MAP4K3: variants seen among roughly 807,000 people sequenced by gnomAD.
MAP4K3 encodes the protein mitogen-activated protein kinase kinase kinase kinase 3.
Under a neutral mutation model 143.5 loss-of-function variants are expected in MAP4K3, and 94 were observed. The observed-to-expected ratio is 0.65, with a 90% CI of 0.55 to 0.78. MAP4K3 has a LOEUF of 0.78. MAP4K3 is among the 30% of genes least tolerant of loss of function. The probability of loss-of-function intolerance (pLI) is 0.00; values close to 1 mark genes in which losing one functional copy is unlikely to be tolerated. For synonymous variants in MAP4K3, 416 were observed against 347.2 expected (o/e 1.20, Z -2.20); for missense variants, 1,077 against 1,068.1 (o/e 1.01, Z -0.12).
intron 8 of MAP4K3, 45 bp downstream of exon 8, chr2:39,331,872 A>C: frequency 7.9e-7 from 1 of 1,259,020 alleles, no homozygotes; most frequent in Middle Eastern, 2.4e-4. Flanking sequence ...GCTATATCCA[A>C]TAATGATAGA....
chr2:39,427,220 A>G (rs979543924), intron 1 of MAP4K3, among the ~76,000 whole-genome samples: 1 of 152,096 alleles, frequency 6.6e-6, no homozygotes, highest in Non-Finnish European at 1.5e-5. Context: ...TCTATACCCC[A>G]CTAAACTATG....
intron 1 of MAP4K3, among the ~76,000 whole-genome samples, chr2:39,433,565 A>AT (rs1665359444): frequency 6.6e-6 from 1 of 152,206 alleles, no homozygotes; most frequent in Non-Finnish European, 1.5e-5. Context: ...CCTATGGATC[A>AT]TTTTTTCATT....
chr2:39,402,662 A>G (rs1666980988), intron 1 of MAP4K3, among the ~76,000 whole-genome samples: 1 of 152,242 alleles, frequency 6.6e-6, no homozygotes, highest in Middle Eastern at 3.4e-3. Flanking sequence ...TACCTCAATT[A>G]AATAGAAAAT....
intron 32 of MAP4K3, among the ~76,000 whole-genome samples, chr2:39,252,526 T>C (rs1267935383): frequency 6.6e-6 from 1 of 152,210 alleles, no homozygotes; most frequent in Non-Finnish European, 1.5e-5. Context: ...GAAATAATAT[T>C]TTCTAATGAC....
At chr2:39,296,427 G>A (rs1180519665) in intron 16 of MAP4K3, among the ~76,000 whole-genome samples, 1 of 152,144 alleles carries the variant, frequency 6.6e-6, no homozygotes, top group East Asian at 1.9e-4. Flanking sequence ...TCTTATGGAA[G>A]TTTTATAAAG....
At chr2:39,321,217 T>C (rs559063875) in intron 12 of MAP4K3, among the ~76,000 whole-genome samples, 105 of 152,258 alleles carry the variant, frequency 6.9e-4, no homozygotes, top group African/African-American at 2.4e-3. Flanking sequence ...GAAGTAGACA[T>C]AGGAGACTCC....
chr2:39,322,277 A>C (rs538331277), intron 12 of MAP4K3, among the ~76,000 whole-genome samples: 2 of 152,238 alleles, frequency 1.3e-5, no homozygotes, highest in Non-Finnish European at 2.9e-5. Flanking sequence ...ACTCATACAG[A>C]CTGTTATTAA....
intron 1 of MAP4K3, 89 bp downstream of exon 1, chr2:39,436,803 C>T (rs1665499993): frequency 4.3e-6 from 5 of 1,150,442 alleles, no homozygotes; most frequent in South Asian, 1.3e-5. Context: ...CCAGCGTCTC[C>T]CGAGGACAGG....
At chr2:39,276,686 G>A (rs889698505) in intron 24 of MAP4K3, among the ~76,000 whole-genome samples, 3 of 152,176 alleles carry the variant, frequency 2.0e-5, no homozygotes, top group Admixed American at 6.5e-5. Context: ...AAAACACTGC[G>A]TGGACACATA....
At chr2:39,425,120 C>G (rs1184868160) in intron 1 of MAP4K3, among the ~76,000 whole-genome samples, 1 of 151,942 alleles carries the variant, frequency 6.6e-6, no homozygotes, top group African/African-American at 2.4e-5. Flanking sequence ...ACCACCCCCC[C>G]AGCCCCTCCA....
chr2:39,258,021 TC>T (rs1276268133), intron 31 of MAP4K3, among the ~76,000 whole-genome samples: 5 of 152,008 alleles, frequency 3.3e-5, no homozygotes, highest in African/African-American at 1.2e-4. Flanking sequence ...AACCTCCCCT[TC>T]CCAGGTTCAA....
chr2:39,283,669 T>C (rs547429042), intron 21 of MAP4K3: 3 of 152,284 alleles, frequency 2.0e-5, no homozygotes, highest in Admixed American at 6.5e-5. Flanking sequence ...ATACAGGCAA[T>C]TATAAGGAGA....
At chr2:39,322,533 A>C (rs1683341022) in intron 12 of MAP4K3, among the ~76,000 whole-genome samples, 1 of 151,628 alleles carries the variant, frequency 6.6e-6, no homozygotes, top group African/African-American at 2.4e-5. Flanking sequence ...TTAAAAAGTC[A>C]AACTTTCTTC....
intron 12 of MAP4K3, 111 bp from the exon 13 acceptor site, chr2:39,315,499 C>G: frequency 1.5e-6 from 1 of 689,376 alleles, no homozygotes; most frequent in Non-Finnish European, 2.3e-6. Context: ...AAAATGAAAG[C>G]AAAACAGCAC....
chr2:39,431,396 A>T (rs1023598963), intron 1 of MAP4K3, among the ~76,000 whole-genome samples: 5 of 152,270 alleles, frequency 3.3e-5, no homozygotes, highest in Non-Finnish European at 4.4e-5. Flanking sequence ...TTCTCATTCT[A>T]AAGATTCACT....
At chr2:39,415,188 C>G (rs1467226009) in intron 1 of MAP4K3, among the ~76,000 whole-genome samples, 3 of 152,144 alleles carry the variant, frequency 2.0e-5, no homozygotes, top group Non-Finnish European at 4.4e-5. Flanking sequence ...AAAAACAGTT[C>G]CAAATGAATG....
chr2:39,276,394 A>G (rs1254074654), intron 24 of MAP4K3, among the ~76,000 whole-genome samples: 1 of 152,118 alleles, frequency 6.6e-6, no homozygotes, highest in African/African-American at 2.4e-5. Context: ...CGGTCATTCA[A>G]TTCGGTCAAT....
intron 26 of MAP4K3, among the ~76,000 whole-genome samples, chr2:39,270,029 A>C (rs1270605331): frequency 6.6e-6 from 1 of 152,184 alleles, no homozygotes; most frequent in Non-Finnish European, 1.5e-5. Context: ...AGCTCCTGAC[A>C]GATTTCGGCT....
At chr2:39,426,348 G>A (rs924703643) in intron 1 of MAP4K3, among the ~76,000 whole-genome samples, 2 of 152,112 alleles carry the variant, frequency 1.3e-5, no homozygotes, top group African/African-American at 4.8e-5. Context: ...GATTCTCCTG[G>A]ATTTCTGGAG....
Sources: gnomAD v4.1 joint callset for allele counts (sites outside exome capture counted in the v4.1 genomes callset) on GRCh38, gnomAD v4.1.1 for gene constraint, MANE v1.5 for transcripts, NCBI Gene and HGNC (gene_info 2026-07-23, HGNC 2026-07-21) for gene names.